Variants in TSPAN15 observed in about 807,000 individuals in gnomAD.
TSPAN15 encodes the protein tetraspanin-15.
A neutral mutation model predicts 34.5 loss-of-function variants in TSPAN15; 20 were observed. The ratio of observed to expected loss-of-function variants is 0.58; its 90% CI spans 0.41 to 0.84. The LOEUF is 0.84. Among genes scored for constraint, TSPAN15 ranks in the 40% least tolerant of loss-of-function variants. The probability of loss-of-function intolerance (pLI) is 0.00; values close to 1 mark genes in which losing one functional copy is unlikely to be tolerated. For missense variants in TSPAN15, 313 were observed against 386.1 expected (o/e 0.81, Z 1.59); for synonymous variants, 155 against 153.9 (o/e 1.01, Z -0.05).
At chr10:69,494,058 A>G (rs751769401) in intron 3 of TSPAN15, among the ~76,000 whole-genome samples, 3 of 152,116 alleles carry the variant, frequency 2.0e-5, no homozygotes, top group South Asian at 2.1e-4. Flanking sequence ...TTAGCACCTT[A>G]AAGTGTGTCA....
At chr10:69,541,011 A>G in the TSPAN15 span, among the ~76,000 whole-genome samples, 29,749 of 152,132 alleles carry the variant, frequency 0.2, 3,175 homozygotes, top group East Asian at 0.31. Flanking sequence ...AAAGGAGAAC[A>G]TCCCCAGACT....
At chr10:69,452,680 C>T (rs1840999825) in intron 1 of TSPAN15, among the ~76,000 whole-genome samples, 2 of 152,294 alleles carry the variant, frequency 1.3e-5, no homozygotes, top group African/African-American at 2.4e-5. Context: ...TCTGTAAGGG[C>T]GTTTCATATT....
chr10:69,473,110 T>C (rs985852483), intron 1 of TSPAN15, among the ~76,000 whole-genome samples: 1 of 152,230 alleles, frequency 6.6e-6, no homozygotes, highest in Non-Finnish European at 1.5e-5. Flanking sequence ...AGTGGAGAGA[T>C]ATCCCTATAG....
intron 1 of TSPAN15, among the ~76,000 whole-genome samples, chr10:69,471,467 G>GCCCACT (rs1841503770): frequency 6.6e-6 from 1 of 152,092 alleles, no homozygotes; most frequent in Non-Finnish European, 1.5e-5. Context: ...ACGCCACTCT[G>GCCCACT]CCCACTCAGT....
the TSPAN15 span, among the ~76,000 whole-genome samples, chr10:69,515,358 G>T: frequency 1.1e-3 from 174 of 152,142 alleles, no homozygotes; most frequent in Non-Finnish European, 1.6e-3. Flanking sequence ...TCAGCAGGTC[G>T]CCAGGGCTGA....
chr10:69,468,346 TGCACTGATGTGTAGG>T (rs1339676582), intron 1 of TSPAN15, among the ~76,000 whole-genome samples: 1 of 152,152 alleles, frequency 6.6e-6, no homozygotes, highest in Non-Finnish European at 1.5e-5. Flanking sequence ...GGCAAGTCAG[TGCACTGATGTGTAGG>T]GCAGTGGCTC....
rs1445771385 is a variant in TSPAN15, at chr10:69,485,036, G to A, written c.283-105G>A. ...TAGGAGCTGGTAGGAGCTCCCCGAG[G>A]GATGCTTCTCTTTGTGCTTGCTCTT... On this transcript the variant is annotated intron_variant, in intron 2 of 7. Coordinates refer to ENST00000373290, the MANE Select transcript of TSPAN15 (RefSeq NM_012339.5). 3.6e-6 allele frequency: 4 copies of A among 1,107,868 alleles called. No individual in the cohort carries two copies. The African/African-American group carries it at 6.1e-5, about 17-fold the overall frequency. 68.6% of individuals were successfully genotyped at this position (1,107,868 alleles called of 1,614,324 possible). A position where few individuals can be genotyped will look rare whatever the true frequency, so the allele number is the denominator to read the frequency against.
chr10:69,530,233 T>C, the TSPAN15 span, among the ~76,000 whole-genome samples: 31,002 of 147,040 alleles, frequency 0.21, 5,665 homozygotes, highest in East Asian at 0.5. Context: ...CCTGTTCCAT[T>C]AGCCAGAACT....
intron 3 of TSPAN15, among the ~76,000 whole-genome samples, chr10:69,489,435 G>A (rs987782852): frequency 6.6e-6 from 1 of 152,208 alleles, no homozygotes; most frequent in Non-Finnish European, 1.5e-5. Flanking sequence ...GAAGATAACA[G>A]GATTAAGAGA....
chr10:69,545,860 G>A, the TSPAN15 span, among the ~76,000 whole-genome samples: 1 of 152,178 alleles, frequency 6.6e-6, no homozygotes, highest in Non-Finnish European at 1.5e-5. Flanking sequence ...GGAGGCTGAG[G>A]CAGGAGAATT....
the TSPAN15 span, among the ~76,000 whole-genome samples, chr10:69,525,834 A>AC: frequency 6.9e-6 from 1 of 145,872 alleles, no homozygotes; most frequent in Non-Finnish European, 1.5e-5. Flanking sequence ...AAAAAAAAAA[A>AC]CTATTCAACC....
Position 69,485,103 on chromosome 10 carries a change from G to C in TSPAN15, c.283-38G>C, listed in dbSNP as rs1218885652. On this transcript the variant is annotated intron_variant, in intron 2 of 7. Coordinates refer to ENST00000373290, the MANE Select transcript of TSPAN15 (RefSeq NM_012339.5). ...CCCCTGTACCCCACACACGCCCACT[G>C]CTCCTCTCCAGGTGAGTCTCTGAAT... The C allele has an allele frequency of 1.9e-6, 3 of 1,597,824 alleles. No homozygotes were observed. The Admixed American group carries it at 5.0e-5, about 27-fold the overall frequency.
chr10:69,455,596 CTTTCTTTCTT>C (rs1841079210), intron 1 of TSPAN15, among the ~76,000 whole-genome samples: 2 of 114,406 alleles, frequency 1.7e-5, no homozygotes, highest in African/African-American at 6.7e-5. Context: ...CTTTCTCTTT[CTTTCTTTCTT>C]TCTCTCTCTC....
the TSPAN15 span, among the ~76,000 whole-genome samples, chr10:69,519,454 A>G: frequency 9.2e-5 from 14 of 152,174 alleles, no homozygotes; most frequent in Admixed American, 7.2e-4. Context: ...GGATGTCTAT[A>G]AGAAGAAAAG....
rs1346679919 is a variant in TSPAN15 at position 69,506,863 on chromosome 10, C to T, written c.770C>T (p.Thr257Ile). Reference protein sequence around the residue: ...LGVLLTLLYITRVEDIIMEHS... With the variant: ...LGVLLTLLYIIRVEDIIMEHS... ...GTGCTGCTGACGCTGCTGTACATCA[C>T]CCGGGTGGAGGACATCATCATGGAG... Residue 257 changes from threonine to isoleucine, a missense_variant, in exon 8 of 8, where the codon ACC becomes ATC. Transcript: ENST00000373290. This position sits in a 1 kb window ranked among gnomAD's most constrained non-coding sequence, Gnocchi z 4.7. 6.3e-7 allele frequency: 1 copy of T among 1,598,056 alleles called. No homozygotes were observed. The highest frequency in any genetic ancestry group is 1.1e-5 in the South Asian group (1 of 87,774).
the TSPAN15 span, among the ~76,000 whole-genome samples, chr10:69,542,388 T>A: frequency 6.6e-6 from 1 of 152,248 alleles, no homozygotes; most frequent in Non-Finnish European, 1.5e-5. Context: ...TTCCAACCTC[T>A]GCCTGTTACC....
intron 1 of TSPAN15, among the ~76,000 whole-genome samples, chr10:69,464,811 A>G (rs1841347435): frequency 6.6e-6 from 1 of 152,146 alleles, no homozygotes; most frequent in Non-Finnish European, 1.5e-5. Context: ...AAACTCTGCC[A>G]ATGGGACAAT....
the TSPAN15 span, among the ~76,000 whole-genome samples, chr10:69,519,894 G>A: frequency 3.3e-4 from 50 of 152,124 alleles, no homozygotes; most frequent in African/African-American, 1.0e-3. Flanking sequence ...CACCACACCC[G>A]GCTAATTTTG....
In TSPAN15 at chr10:69,503,890, G is replaced by A. The variant is rs983621469; in HGVS notation, c.571-548G>A. On this transcript the variant is annotated intron_variant, in intron 5 of 7. Transcript: ENST00000373290. ...CCTATGCCTAAATTAATCAGTAGTCGGGAGTTCTGGAGAGCACCTCTCTTC... is the reference window on the plus strand; with the variant it reads ...CCTATGCCTAAATTAATCAGTAGTCAGGAGTTCTGGAGAGCACCTCTCTTC... Among the ~76,000 whole-genome samples, 3 of 152,090 alleles carry A rather than the reference G, an allele frequency of 2.0e-5. No individual in the cohort carries two copies. The East Asian group carries it at 5.8e-4, about 29-fold the overall frequency.
Sources: allele counts gnomAD v4.1 joint callset (sites outside exome capture counted in the v4.1 genomes callset), GRCh38; gene constraint gnomAD v4.1.1; non-coding constraint Gnocchi (gnomAD v3.1); transcripts MANE v1.5; gene names NCBI Gene and HGNC (gene_info 2026-07-23, HGNC 2026-07-21).